PDE4D: variants seen among roughly 807,000 people sequenced by gnomAD.
The protein encoded by PDE4D is 3',5'-cyclic-AMP phosphodiesterase 4D.
Under a neutral mutation model 87.4 loss-of-function variants are expected in PDE4D, and 24 were observed. The ratio of observed to expected loss-of-function variants is 0.27; its 90% confidence interval spans 0.20 to 0.39. The LOEUF is 0.39. Ranked by LOEUF, PDE4D falls within the 10% of genes least tolerant of loss-of-function variation. PDE4D has a pLI of 1.00. For missense variants in PDE4D, 714 were observed against 1,041.0 expected, an observed-to-expected ratio of 0.69 and a Z score of 4.32; for synonymous variants, 384 against 383.2, an observed-to-expected ratio of 1.00 and a Z score of -0.02.
At chr5:60,219,705 C>G (rs1744271905) in intron 1 of PDE4D, among the ~76,000 whole-genome samples, 1 of 152,114 alleles carries the variant, frequency 6.6e-6, no homozygotes, top group Non-Finnish European at 1.5e-5. Context: ...AACCTCAAAA[C>G]TAATGGGCAT....
At chr5:60,197,077 T>TTAGATAGATAGA (rs70975372) in intron 1 of PDE4D, among the ~76,000 whole-genome samples, 1,259 of 117,464 alleles carry the variant, frequency 0.011, 24 homozygotes, top group Middle Eastern at 0.038. Context: ...AGATAGACAG[T>TTAGATAGATAGA]TAGATAGATA....
At chr5:59,133,851 C>T (rs999370034) in intron 5 of PDE4D, among the ~76,000 whole-genome samples, 3 of 152,100 alleles carry the variant, frequency 2.0e-5, no homozygotes, top group African/African-American at 7.2e-5. Context: ...GCCAAGGGTA[C>T]CATGGAGCAA....
intron 1 of PDE4D, among the ~76,000 whole-genome samples, chr5:60,378,472 A>G (rs767958300): frequency 7.6e-4 from 116 of 152,328 alleles, no homozygotes; most frequent in Middle Eastern, 6.8e-3. Flanking sequence ...TGAGTGACAC[A>G]AATTTTGCTC....
chr5:60,035,002 T>C (rs1367192666), intron 2 of PDE4D, among the ~76,000 whole-genome samples: 1 of 152,148 alleles, frequency 6.6e-6, no homozygotes, highest in Non-Finnish European at 1.5e-5. Flanking sequence ...ACACCTGTAA[T>C]CCCAGCACTT....
Position 60,431,602 on chromosome 5 carries a change from C to A in PDE4D, c.-90+56340G>T, listed in dbSNP as rs2150115364. Among the ~76,000 whole-genome samples, 4 of 150,502 alleles carry A rather than the reference C, an allele frequency of 2.7e-5. No homozygotes were observed. In the South Asian group the frequency reaches 8.5e-4, roughly 32 times the overall value. The stretch of plus-strand genomic sequence containing the variant: ...TCACTTTCCAGAGTGGGCAGCCAGG[C>A]AGAGGGGCTCCTCACGTCCCAGACG... On this transcript the variant is annotated intron_variant, in intron 1 of 16. Transcript: ENST00000502484.
chr5:59,175,869 GT>G lies in PDE4D; in HGVS notation c.808+4725del, dbSNP rs1487405157. On this transcript the variant is annotated intron_variant, in intron 5 of 14. Coordinates refer to ENST00000340635, the MANE Select transcript of PDE4D (RefSeq NM_001104631.2). The stretch of plus-strand genomic sequence containing the variant: ...GGTCTTGAATTCCTGAGCTCAAGCA[GT>G]CCTCCCACCTTGGTCTCCTGAGTAG... Among the ~76,000 whole-genome samples the G allele has an allele frequency of 2.8e-5, 4 of 144,752 alleles. No homozygotes were observed. The Admixed American group carries it at 2.9e-4, about 10-fold the overall frequency. The allele number at this position is 144,752 out of a possible 152,430, so 95.0% of individuals were successfully genotyped here.
intron 3 of PDE4D, among the ~76,000 whole-genome samples, chr5:59,975,665 A>T (rs1390561045): frequency 2.0e-5 from 3 of 152,230 alleles, no homozygotes; most frequent in Non-Finnish European, 4.4e-5. Flanking sequence ...GCTGCTTAGC[A>T]TACTGGAAAA....
chr5:60,428,681 A>G (rs953392169), intron 1 of PDE4D, among the ~76,000 whole-genome samples: 2 of 152,234 alleles, frequency 1.3e-5, no homozygotes, highest in Non-Finnish European at 2.9e-5. Flanking sequence ...TGATATAAAG[A>G]ATTTTCATAA....
At chr5:60,331,526 G>A (rs1757306683) in intron 1 of PDE4D, among the ~76,000 whole-genome samples, 1 of 152,178 alleles carries the variant, frequency 6.6e-6, no homozygotes, top group Non-Finnish European at 1.5e-5. Flanking sequence ...GCCTCCCTTT[G>A]TGTGGAACGC....
chr5:60,359,780 A>G (rs1410956181), intron 1 of PDE4D, among the ~76,000 whole-genome samples: 1 of 152,140 alleles, frequency 6.6e-6, no homozygotes, highest in Non-Finnish European at 1.5e-5. Context: ...CACTAATATT[A>G]TGGAATCATT....
At chr5:59,415,584 G>A (rs918954192) in intron 1 of PDE4D, among the ~76,000 whole-genome samples, 5 of 152,086 alleles carry the variant, frequency 3.3e-5, no homozygotes, top group African/African-American at 1.2e-4. Context: ...AACAACTTGG[G>A]AAGTGAATCT....
intron 2 of PDE4D, among the ~76,000 whole-genome samples, chr5:59,994,656 T>C (rs1583434): frequency 0.96 from 145,383 of 152,192 alleles, 69,510 homozygotes; most frequent in East Asian, 1. Context: ...GATGGTAGAG[T>C]CACAAGATGG....
At chr5:60,387,328 C>A (rs1762254850) in intron 1 of PDE4D, among the ~76,000 whole-genome samples, 1 of 152,206 alleles carries the variant, frequency 6.6e-6, no homozygotes, top group African/African-American at 2.4e-5. Flanking sequence ...GACTTTGTAT[C>A]CCAATGACGT....
intron 2 of PDE4D, among the ~76,000 whole-genome samples, chr5:60,110,683 C>T (rs1221974832): frequency 1.3e-5 from 2 of 152,044 alleles, no homozygotes; most frequent in African/African-American, 2.4e-5. Flanking sequence ...ACCAATATAT[C>T]AGAGGGATAC....
chr5:59,746,892 C>T (rs1759691355), intron 1 of PDE4D, among the ~76,000 whole-genome samples: 1 of 152,134 alleles, frequency 6.6e-6, no homozygotes, highest in Non-Finnish European at 1.5e-5. Context: ...ATGATCTCTT[C>T]CTTGCCCTAA....
At chr5:60,347,723 G>A (rs1398926642) in intron 1 of PDE4D, among the ~76,000 whole-genome samples, 3 of 152,106 alleles carry the variant, frequency 2.0e-5, no homozygotes, top group Non-Finnish European at 2.9e-5. Flanking sequence ...CTGCTATCCC[G>A]ATAGCTTCAG....
At chr5:59,570,724 T>C (rs1470071072) in intron 1 of PDE4D, among the ~76,000 whole-genome samples, 1 of 152,096 alleles carries the variant, frequency 6.6e-6, no homozygotes, top group African/African-American at 2.4e-5. Context: ...CTAAGCTAAC[T>C]CAATGATATT....
intron 1 of PDE4D, among the ~76,000 whole-genome samples, chr5:59,431,446 AGG>A (rs1286390158): frequency 2.0e-5 from 3 of 152,068 alleles, no homozygotes; most frequent in Non-Finnish European, 2.9e-5. Flanking sequence ...TTTCTTATCC[AGG>A]ATTTGAATAG....
chr5:60,472,679 T>C (rs886925932), intron 1 of PDE4D, among the ~76,000 whole-genome samples: 5 of 152,206 alleles, frequency 3.3e-5, no homozygotes, highest in Non-Finnish European at 7.3e-5. Context: ...TATTTCATTG[T>C]CACCTAGGCT....
Sources: allele counts gnomAD v4.1 joint callset (sites outside exome capture counted in the v4.1 genomes callset), GRCh38; gene constraint gnomAD v4.1.1; transcripts MANE v1.5; gene names NCBI Gene and HGNC (gene_info 2026-07-23, HGNC 2026-07-21).